Variants in AP1G1 observed in about 807,000 individuals in gnomAD.
The protein encoded by AP1G1 is adaptor related protein complex 1 subunit gamma 1.
A neutral mutation model predicts 108.3 loss-of-function variants in AP1G1; 7 were observed. The ratio of observed to expected loss-of-function variants is 0.06; its 90% CI spans 0.04 to 0.12. The LOEUF is 0.12. Ranked by LOEUF, AP1G1 falls within the 10% of genes least tolerant of loss-of-function variation. The pLI is 1.00. For synonymous variants in AP1G1, 379 were observed against 353.5 expected (o/e 1.07, Z -0.81); for missense variants, 756 against 1,010.7 (o/e 0.75, Z 3.42).
In AP1G1 at chr16:71,731,851, C is replaced by G. The variant is rs2045478145; in HGVS notation, c.*1207G>C. Reference sequence around the variant, plus strand: ...GGTATGGAAGCTACAAGGCTTCACTCCAACACCATAAAGTACAATATGGAA... The same window carrying G: ...GGTATGGAAGCTACAAGGCTTCACTGCAACACCATAAAGTACAATATGGAA... On this transcript the variant is annotated 3_prime_UTR_variant, in exon 23 of 23. Coordinates refer to ENST00000299980, the MANE Select transcript of AP1G1 (RefSeq NM_001128.6). 1 of 152,626 alleles carries G rather than the reference C, an allele frequency of 6.6e-6. No homozygotes were observed. The highest frequency in any genetic ancestry group is 6.6e-5 in the Admixed American group (1 of 15,264). 9.5% of individuals were successfully genotyped at this position (152,626 alleles called of 1,614,324 possible). A position where few individuals can be genotyped will look rare whatever the true frequency, so the allele number is the denominator to read the frequency against.
chr16:71,766,515 A>G, intron 6 of AP1G1: 1 of 444,520 alleles, frequency 2.2e-6, no homozygotes, highest in Non-Finnish European at 4.6e-6. Context: ...GTTTCCAACT[A>G]AAAACTCAAT....
chr16:71,759,483 G>T (rs2030971128), intron 10 of AP1G1, among the ~76,000 whole-genome samples: 1 of 143,286 alleles, frequency 7.0e-6, no homozygotes, highest in South Asian at 2.2e-4. Flanking sequence ...AATTGGGACT[G>T]GGCGCGGTGG....
chr16:71,798,837 G>A (rs1248164325), intron 1 of AP1G1, among the ~76,000 whole-genome samples: 3 of 151,204 alleles, frequency 2.0e-5, no homozygotes, highest in Non-Finnish European at 2.9e-5. Flanking sequence ...GCAGTGAGCC[G>A]AGATCACACC....
At chr16:71,737,814 G>A (rs1270454067) in intron 21 of AP1G1, among the ~76,000 whole-genome samples, 1 of 152,256 alleles carries the variant, frequency 6.6e-6, no homozygotes, top group Non-Finnish European at 1.5e-5. Context: ...TAAACCAGTG[G>A]TTGGCAAACT....
chr16:71,757,069 T>C (rs991240112), intron 11 of AP1G1, among the ~76,000 whole-genome samples: 1 of 152,196 alleles, frequency 6.6e-6, no homozygotes, highest in African/African-American at 2.4e-5. Context: ...TAGGAATGTT[T>C]AACATGTAAA....
chr16:71,737,747 CG>C (rs1471979630), intron 21 of AP1G1, among the ~76,000 whole-genome samples: 1 of 152,258 alleles, frequency 6.6e-6, no homozygotes, highest in African/African-American at 2.4e-5. Flanking sequence ...AGTGTGTTGT[CG>C]GAATGTCTAA....
At chr16:71,749,470 T>A (rs11075900) in intron 15 of AP1G1, among the ~76,000 whole-genome samples, 51,412 of 149,120 alleles carry the variant, frequency 0.34, 9,546 homozygotes, top group East Asian at 0.76. Flanking sequence ...GGTGACAGAG[T>A]GAGACTCTAT....
chr16:71,750,431 T>C, intron 13 of AP1G1, 99 bp from the exon 14 acceptor site: 1 of 1,469,654 alleles, frequency 6.8e-7, no homozygotes, highest in South Asian at 1.2e-5. Flanking sequence ...CTTTCTTTTT[T>C]TGAGACAGAG....
At chr16:71,805,893 C>T (rs752893659) in intron 1 of AP1G1, among the ~76,000 whole-genome samples, 7 of 151,948 alleles carry the variant, frequency 4.6e-5, no homozygotes, top group South Asian at 2.1e-4. Context: ...TGGTAGCACA[C>T]GCCTGTAGTC....
rs1042508611 is a variant in AP1G1, at chr16:71,808,803, G to A, written c.-44C>T. ...AATGAAACCAGCAGCTCCGGGGGCG[G>A]CGGCAGCAGTGGCAGCAGGAACCGA... On this transcript the variant is annotated 5_prime_UTR_variant, in exon 1 of 23. Coordinates refer to ENST00000299980, the MANE Select transcript of AP1G1 (RefSeq NM_001128.6). 2 of 1,289,740 alleles carry A rather than the reference G, an allele frequency of 1.6e-6. No individual in the cohort carries two copies. The highest frequency in any genetic ancestry group is 2.0e-6 in the Non-Finnish European group (2 of 988,804). The allele number at this position is 1,289,740 out of a possible 1,614,324, so 79.9% of individuals were successfully genotyped here. A position where few individuals can be genotyped will look rare whatever the true frequency, so the allele number is the denominator to read the frequency against.
chr16:71,778,544 G>A (rs985789488), intron 2 of AP1G1, among the ~76,000 whole-genome samples: 3 of 152,154 alleles, frequency 2.0e-5, no homozygotes, highest in South Asian at 4.2e-4. Flanking sequence ...TTAGCCAGGC[G>A]TAGCGGCGTG....
intron 1 of AP1G1, among the ~76,000 whole-genome samples, chr16:71,795,951 G>T (rs571517284): frequency 8.3e-4 from 127 of 152,278 alleles, no homozygotes; most frequent in African/African-American, 2.5e-3. Flanking sequence ...TAAATCTGGG[G>T]ATAGGCCAGG....
intron 1 of AP1G1, among the ~76,000 whole-genome samples, chr16:71,807,493 G>A (rs1054543673): frequency 2.6e-5 from 4 of 152,144 alleles, no homozygotes; most frequent in Non-Finnish European, 5.9e-5. Flanking sequence ...CTGCAAACAT[G>A]CCTTTAGAAT....
intron 9 of AP1G1, among the ~76,000 whole-genome samples, chr16:71,763,960 T>C (rs1241889128): frequency 2.6e-5 from 4 of 152,176 alleles, no homozygotes; most frequent in African/African-American, 7.2e-5. Flanking sequence ...CTAAAACTGA[T>C]AGGTAAAAGT....
At chr16:71,807,187 AGGCCG>A (rs1201728076) in intron 1 of AP1G1, among the ~76,000 whole-genome samples, 5 of 81,696 alleles carry the variant, frequency 6.1e-5, no homozygotes, top group Non-Finnish European at 9.8e-5. Flanking sequence ...GCACTTTGGG[AGGCCG>A]AGGCGGGCGG....
intron 1 of AP1G1, among the ~76,000 whole-genome samples, chr16:71,805,795 G>C (rs925523367): frequency 6.6e-6 from 1 of 152,048 alleles, no homozygotes; most frequent in Admixed American, 6.6e-5. Flanking sequence ...AGCACTTTGC[G>C]AGGCCGAGGC....
chr16:71,741,598 TA>T (rs1294415986), intron 19 of AP1G1, among the ~76,000 whole-genome samples: 1 of 151,958 alleles, frequency 6.6e-6, no homozygotes, highest in Non-Finnish European at 1.5e-5. Context: ...CAAAAACAAG[TA>T]AATGACATAT....
rs948183991 is a variant in AP1G1 at position 71,731,828 on chromosome 16, T to C, written c.*1230A>G. ...CGTAAGACCTCCTCTGACATAGGGG[T>C]ATGGAAGCTACAAGGCTTCACTCCA... is the stretch of plus-strand genomic sequence containing the variant. On this transcript the variant is annotated 3_prime_UTR_variant, in exon 23 of 23. Transcript: ENST00000299980. 6.6e-6 allele frequency: 1 copy of C among 152,620 alleles called. No individual in the cohort carries two copies. The highest frequency in any genetic ancestry group is 1.5e-5 in the Non-Finnish European group (1 of 68,024). The allele number at this position is 152,620 out of a possible 1,614,324, so 9.5% of individuals were successfully genotyped here. A position where few individuals can be genotyped will look rare whatever the true frequency, so the allele number is the denominator to read the frequency against.
intron 21 of AP1G1, among the ~76,000 whole-genome samples, chr16:71,735,309 C>G (rs962251342): frequency 6.6e-6 from 1 of 152,140 alleles, no homozygotes; most frequent in Non-Finnish European, 1.5e-5. Flanking sequence ...CCTAGATAAG[C>G]CAAACAGTAT....
Sources: allele counts gnomAD v4.1 joint callset (sites outside exome capture counted in the v4.1 genomes callset), GRCh38; gene constraint gnomAD v4.1.1; transcripts MANE v1.5; gene names NCBI Gene and HGNC (gene_info 2026-07-23, HGNC 2026-07-21).